Variants in HTR4 observed in about 807,000 individuals in gnomAD.
HTR4 encodes the protein 5-hydroxytryptamine receptor 4, also known as 5-hydroxytryptamine (serotonin) receptor 4, G protein-coupled.
Under a neutral mutation model 36.8 loss-of-function variants are expected in HTR4, and 16 were observed. The observed-to-expected ratio is 0.43, with a 90% CI of 0.29 to 0.66. The LOEUF is 0.66. Among genes scored for constraint, HTR4 ranks in the 30% least tolerant of loss-of-function variants. HTR4 has a pLI of 0.13. For synonymous variants in HTR4, 189 were observed against 185.1 expected (o/e 1.02, Z -0.17); for missense variants, 438 against 490.9 (o/e 0.89, Z 1.02).
At chr5:148,624,845 T>A (rs1012326459) in intron 2 of HTR4, among the ~76,000 whole-genome samples, 1 of 152,068 alleles carries the variant, frequency 6.6e-6, no homozygotes, top group African/African-American at 2.4e-5. Flanking sequence ...AGTTAAAAAA[T>A]AAAATAAAGG....
chr5:148,512,733 C>T (rs192077474), intron 5 of HTR4, among the ~76,000 whole-genome samples: 35 of 152,246 alleles, frequency 2.3e-4, no homozygotes, highest in African/African-American at 7.0e-4. Flanking sequence ...GAGTTTAAGA[C>T]CAGCCTGGCC....
chr5:148,611,659 T>C (rs1752433919), intron 2 of HTR4, among the ~76,000 whole-genome samples: 1 of 148,912 alleles, frequency 6.7e-6, no homozygotes, highest in Non-Finnish European at 1.5e-5. Context: ...AATGACAGGA[T>C]CAAATTCACA....
intron 4 of HTR4, among the ~76,000 whole-genome samples, chr5:148,547,133 T>C (rs975303132): frequency 6.6e-6 from 1 of 152,146 alleles, no homozygotes; most frequent in Non-Finnish European, 1.5e-5. Flanking sequence ...TTCCAATCAA[T>C]GCACATATGT....
chr5:148,614,407 A>C (rs1447476019), intron 2 of HTR4, among the ~76,000 whole-genome samples: 2 of 152,240 alleles, frequency 1.3e-5, no homozygotes, highest in Non-Finnish European at 2.9e-5. Flanking sequence ...TCTTTGACAA[A>C]CTTGAGAAAA....
intron 4 of HTR4, among the ~76,000 whole-genome samples, chr5:148,533,258 T>A (rs1434222923): frequency 1.3e-5 from 2 of 152,222 alleles, no homozygotes; most frequent in Non-Finnish European, 2.9e-5. Context: ...GTTCAAATGA[T>A]GAGTGAGGTT....
chr5:148,474,407 C>G (rs1358593403), downstream of HTR4, among the ~76,000 whole-genome samples: 1 of 152,006 alleles, frequency 6.6e-6, no homozygotes, highest in African/African-American at 2.4e-5. Flanking sequence ...CTATTTGTAC[C>G]CTATTGACAG....
At chr5:148,470,351 G>A (rs768898924) in intron 5 of HTR4, among the ~76,000 whole-genome samples, 6 of 152,152 alleles carry the variant, frequency 3.9e-5, no homozygotes, top group Admixed American at 3.3e-4. Context: ...ATTAGATACA[G>A]AAGTTTGGCA....
At chr5:148,553,548 A>T (rs1303964360) in intron 2 of HTR4, among the ~76,000 whole-genome samples, 2 of 152,184 alleles carry the variant, frequency 1.3e-5, no homozygotes, top group Admixed American at 6.5e-5. Flanking sequence ...GGGAGGCAAG[A>T]TTTAGTACCA....
At chr5:148,614,719 G>T (rs1198259834) in intron 2 of HTR4, among the ~76,000 whole-genome samples, 1 of 151,968 alleles carries the variant, frequency 6.6e-6, no homozygotes, top group Non-Finnish European at 1.5e-5. Flanking sequence ...CACAGCAAAA[G>T]AAACTACCAT....
At chr5:148,451,270 T>A in exon 6 of HTR4, 1 of 1,613,768 alleles carries the variant, frequency 6.2e-7, no homozygotes. Context: ...CAGAACGGTG[T>A]ACCTAGAAAG....
At chr5:148,644,605 GTTA>G (rs1206997820) in intron 1 of HTR4, 2 of 152,042 alleles carry the variant, frequency 1.3e-5, no homozygotes, top group Non-Finnish European at 2.9e-5. Flanking sequence ...TAAGATGTGT[GTTA>G]TTAAGACACT....
At chr5:148,451,051 A>T (rs1754962273) in exon 6 of HTR4, 1 of 1,472,190 alleles carries the variant, frequency 6.8e-7, no homozygotes, top group South Asian at 1.3e-5. Flanking sequence ...TCCTCCATGT[A>T]CCTCCTCTGG....
intron 2 of HTR4, among the ~76,000 whole-genome samples, chr5:148,576,171 C>A (rs918985339): frequency 7.2e-6 from 1 of 138,416 alleles, no homozygotes; most frequent in South Asian, 2.3e-4. Context: ...TTCCTATATA[C>A]CAACAACAGC....
chr5:148,641,925 C>T (rs1466123574), intron 1 of HTR4, among the ~76,000 whole-genome samples: 1 of 152,158 alleles, frequency 6.6e-6, no homozygotes, highest in African/African-American at 2.4e-5. Context: ...TGTGAATAGT[C>T]CCCACCTACT....
At chr5:148,520,804 G>A in intron 5 of HTR4, 2 of 1,176,706 alleles carry the variant, frequency 1.7e-6, no homozygotes, top group Non-Finnish European at 2.3e-6. Context: ...TGGTGAAACT[G>A]ACAGTTTAAA....
chr5:148,549,309 T>A (rs1759560932), intron 3 of HTR4, among the ~76,000 whole-genome samples: 1 of 152,200 alleles, frequency 6.6e-6, no homozygotes, highest in South Asian at 2.1e-4. Context: ...GTGACTGTAG[T>A]CACAGTCCAC....
intron 6 of HTR4, among the ~76,000 whole-genome samples, chr5:148,487,925 T>C (rs1191743623): frequency 1.3e-5 from 2 of 152,162 alleles, no homozygotes; most frequent in Non-Finnish European, 1.5e-5. Context: ...TGTCATCACA[T>C]TGAAGATAAA....
chr5:148,490,886 CT>C (rs1561575219), intron 6 of HTR4: 1 of 462,608 alleles, frequency 2.2e-6, no homozygotes, highest in East Asian at 7.0e-5. Context: ...CCTAAAACCT[CT>C]TTGCTCTAAG....
chr5:148,585,193 C>T (rs774856801), intron 2 of HTR4, among the ~76,000 whole-genome samples: 1 of 151,970 alleles, frequency 6.6e-6, no homozygotes, highest in Non-Finnish European at 1.5e-5. Context: ...CATTGCAAGC[C>T]CTCAGTATAT....
Sources: gnomAD v4.1 joint callset for allele counts (sites outside exome capture counted in the v4.1 genomes callset) on GRCh38, gnomAD v4.1.1 for gene constraint, MANE v1.5 for transcripts, NCBI Gene and HGNC (gene_info 2026-07-23, HGNC 2026-07-21) for gene names.